Variants in CNTN5 observed in about 807,000 individuals in gnomAD.
The protein encoded by CNTN5 is contactin 5, also known as contactin-5.
CNTN5 carries 77 observed loss-of-function variants against 129.1 expected under a neutral mutation model. The ratio of observed to expected loss-of-function variants is 0.60; its 90% confidence interval spans 0.50 to 0.72. The LOEUF (loss-of-function observed/expected upper bound fraction) is 0.72. CNTN5 is among the 30% of genes least tolerant of loss of function. The pLI, the probability that CNTN5 is intolerant of heterozygous loss-of-function variation, is 0.00. For missense variants in CNTN5, 1,478 were observed against 1,328.8 expected, an observed-to-expected ratio of 1.11 and a Z score of -1.75; for synonymous variants, 509 against 465.6, an observed-to-expected ratio of 1.09 and a Z score of -1.20.
chr11:99,861,105 A>C (rs1203112848), intron 6 of CNTN5, among the ~76,000 whole-genome samples: 1 of 151,896 alleles, frequency 6.6e-6, no homozygotes, highest in African/African-American at 2.4e-5. Flanking sequence ...ACAGGCGCCA[A>C]CCACCAAGCC....
chr11:99,844,862 C>G lies in CNTN5; in HGVS notation c.288C>G (p.Asp96Glu). Residue 96 changes from aspartate to glutamate, a missense_variant, in exon 5 of 25, where the codon GAC becomes GAG. Asp to Glu is a conservative substitution (Grantham distance 45). Coordinates refer to ENST00000524871, the MANE Select transcript of CNTN5 (RefSeq NM_014361.4). ...SDAFKQDESV[D>E]YGPVFVQEPD... is the part of the protein sequence containing the mutation. ...GTTTTGTCTTTACAGAAAGTGTGGA[C>G]TATGGGCCAGTTTTTGTGCAAGAAC... 1 of 1,613,160 alleles carries G rather than the reference C, an allele frequency of 6.2e-7. No homozygotes were observed. Among genetic ancestry groups the G allele is most frequent in the South Asian group, 1.1e-5 (1 of 90,904 alleles).
chr11:99,072,376 T>C (rs1865373173), intron 1 of CNTN5, among the ~76,000 whole-genome samples: 2 of 152,098 alleles, frequency 1.3e-5, no homozygotes, highest in Non-Finnish European at 2.9e-5. Context: ...AATGATGTCA[T>C]TGGGGCTATT....
chr11:100,313,720 G>GCCT (rs1276270793), intron 21 of CNTN5, among the ~76,000 whole-genome samples: 9 of 152,008 alleles, frequency 5.9e-5, no homozygotes, highest in Non-Finnish European at 1.2e-4. Context: ...GAGAACAAGA[G>GCCT]CAGAGGGGAA....
At chr11:99,408,350 C>T (rs1385729970) in intron 2 of CNTN5, among the ~76,000 whole-genome samples, 1 of 143,826 alleles carries the variant, frequency 7.0e-6, no homozygotes, top group Non-Finnish European at 1.5e-5. Context: ...CCAGCACATG[C>T]CACTACACCA....
chr11:100,355,657 A>AT, intron 24 of CNTN5, among the ~76,000 whole-genome samples: 1 of 151,778 alleles, frequency 6.6e-6, no homozygotes, highest in Non-Finnish European at 1.5e-5. Context: ...GGCAATAGGA[A>AT]TTTTTCAGTT....
At chr11:99,392,421 A>G (rs1254482807) in intron 2 of CNTN5, among the ~76,000 whole-genome samples, 2 of 151,790 alleles carry the variant, frequency 1.3e-5, no homozygotes, top group Non-Finnish European at 3.0e-5. Context: ...AATTGAAAAT[A>G]CAAAATATTA....
At chr11:100,078,504 A>G (rs1944236331) in intron 13 of CNTN5, among the ~76,000 whole-genome samples, 1 of 152,126 alleles carries the variant, frequency 6.6e-6, no homozygotes. Context: ...CATTATTACT[A>G]ATAATGATGA....
At chr11:99,930,997 A>G (rs1362271278) in intron 7 of CNTN5, among the ~76,000 whole-genome samples, 3 of 152,174 alleles carry the variant, frequency 2.0e-5, no homozygotes, top group Admixed American at 1.3e-4. Flanking sequence ...AAATGTATAA[A>G]TTATATACTC....
intron 13 of CNTN5, among the ~76,000 whole-genome samples, chr11:100,164,554 C>A (rs1322254351): frequency 6.6e-6 from 1 of 151,634 alleles, no homozygotes; most frequent in Non-Finnish European, 1.5e-5. Flanking sequence ...AGAGAAGTCC[C>A]AAAATACATA....
At chr11:99,698,031 A>G (rs1363660099) in intron 3 of CNTN5, among the ~76,000 whole-genome samples, 1 of 150,610 alleles carries the variant, frequency 6.6e-6, no homozygotes, top group Non-Finnish European at 1.5e-5. Flanking sequence ...AACGTTTTTC[A>G]TTATTTGCAC....
chr11:99,047,996 GA>G (rs35843415), intron 1 of CNTN5, among the ~76,000 whole-genome samples: 3 of 151,188 alleles, frequency 2.0e-5, no homozygotes, highest in Non-Finnish European at 3.0e-5. Flanking sequence ...TTCTTTTCAT[GA>G]AAAAAAGCAG....
At chr11:99,503,169 A>G (rs1298955351) in intron 2 of CNTN5, among the ~76,000 whole-genome samples, 5 of 152,008 alleles carry the variant, frequency 3.3e-5, no homozygotes, top group South Asian at 2.1e-4. Flanking sequence ...CCTTTTCCCT[A>G]TGTAACTCTA....
At chr11:99,794,584 C>T (rs549934901) in intron 3 of CNTN5, among the ~76,000 whole-genome samples, 2 of 152,242 alleles carry the variant, frequency 1.3e-5, no homozygotes, top group Admixed American at 6.5e-5. Flanking sequence ...CCATATTTAG[C>T]ACTCCTTCAG....
intron 6 of CNTN5, among the ~76,000 whole-genome samples, chr11:99,882,607 G>C (rs1948800147): frequency 6.6e-6 from 1 of 151,592 alleles, no homozygotes; most frequent in Non-Finnish European, 1.5e-5. Flanking sequence ...TGTGTTTATG[G>C]GGTACATGAG....
intron 6 of CNTN5, among the ~76,000 whole-genome samples, chr11:99,906,136 A>G (rs774964267): frequency 6.6e-6 from 1 of 152,056 alleles, no homozygotes; most frequent in Non-Finnish European, 1.5e-5. Context: ...TTTCTTCCTC[A>G]TGCCTGATTG....
chr11:100,229,574 C>T (rs574129495), intron 16 of CNTN5, among the ~76,000 whole-genome samples: 2 of 152,268 alleles, frequency 1.3e-5, no homozygotes, highest in African/African-American at 4.8e-5. Context: ...TCTGCCTATA[C>T]CCTTGGAAAA....
At chr11:99,243,763 G>A (rs2135767314) in intron 1 of CNTN5, among the ~76,000 whole-genome samples, 1 of 132,984 alleles carries the variant, frequency 7.5e-6, no homozygotes, top group East Asian at 2.2e-4. Context: ...TTGGAGATCA[G>A]TTTGCTGTGG....
chr11:99,968,514 A>G (rs936328520), intron 8 of CNTN5, among the ~76,000 whole-genome samples: 1 of 152,046 alleles, frequency 6.6e-6, no homozygotes, highest in South Asian at 2.1e-4. Flanking sequence ...GACAAAGCAC[A>G]GAGAGAATGG....
At chr11:99,188,174 A>G (rs1858450223) in intron 1 of CNTN5, among the ~76,000 whole-genome samples, 1 of 151,876 alleles carries the variant, frequency 6.6e-6, no homozygotes, top group African/African-American at 2.4e-5. Context: ...ATGTCCAACT[A>G]GTCCTTTGAT....
Sources: allele counts gnomAD v4.1 joint callset (sites outside exome capture counted in the v4.1 genomes callset), GRCh38; gene constraint gnomAD v4.1.1; transcripts MANE v1.5; gene names NCBI Gene and HGNC (gene_info 2026-07-23, HGNC 2026-07-21).